The following RBFOX1 variants were observed in gnomAD, a reference collection of about 807,000 sequenced individuals.
RBFOX1 encodes the protein RNA binding protein fox-1 homolog 1.
A neutral mutation model predicts 57.7 loss-of-function variants in RBFOX1; 8 were observed. The observed-to-expected ratio is 0.14, with a 90% CI of 0.08 to 0.25. RBFOX1 has a LOEUF of 0.25. RBFOX1 is among the 10% of genes least tolerant of loss of function. The pLI is 1.00. For missense variants in RBFOX1, 611 were observed against 548.5 expected (o/e 1.11, Z -1.14); for synonymous variants, 326 against 222.4 (o/e 1.47, Z -4.15).
intron 14 of RBFOX1, among the ~76,000 whole-genome samples, chr16:7,688,296 T>C (rs1200640147): frequency 1.3e-5 from 2 of 150,706 alleles, no homozygotes; most frequent in East Asian, 3.9e-4. Flanking sequence ...TCAATATTCA[T>C]AGCATTGGAT....
chr16:6,917,601 C>G (rs1402748550), intron 3 of RBFOX1, among the ~76,000 whole-genome samples: 1 of 151,268 alleles, frequency 6.6e-6, no homozygotes, highest in African/African-American at 2.4e-5. Context: ...GCTCTGACAC[C>G]GGCTCCCTTC....
chr16:5,839,421 C>G (rs899599626), intron 3 of RBFOX1, among the ~76,000 whole-genome samples: 1 of 152,158 alleles, frequency 6.6e-6, no homozygotes, highest in East Asian at 1.9e-4. Context: ...TCTCCACAGC[C>G]ACTAAGTGTC....
chr16:5,964,336 G>C (rs1405257554), intron 4 of RBFOX1, among the ~76,000 whole-genome samples: 1 of 152,104 alleles, frequency 6.6e-6, no homozygotes, highest in East Asian at 1.9e-4. Context: ...AAACAGTATG[G>C]AGATTTCTCA....
chr16:6,611,160 G>C (rs906570327), intron 2 of RBFOX1, among the ~76,000 whole-genome samples: 1 of 152,036 alleles, frequency 6.6e-6, no homozygotes, highest in African/African-American at 2.4e-5. Context: ...ATTTTTTTGA[G>C]GGGGAGGGGA....
rs2094586485 is a variant in RBFOX1, at chr16:6,450,803, A to ACATG, written c.-64+133746_-64+133747insCATG. Among the ~76,000 whole-genome samples the ACATG allele has an allele frequency of 9.7e-4, 10 of 10,322 alleles. 1 individual carries two copies. The highest frequency in any genetic ancestry group is 6.9e-3 in the South Asian group (2 of 290). The allele number at this position is 10,322 out of a possible 152,430, so 6.8% of individuals were successfully genotyped here. On this transcript the variant is annotated intron_variant, in intron 2 of 15. Transcript: ENST00000550418. Reference sequence around the variant, plus strand: ...TATATATATATACATATATATATGTATATATATATATATACATATATATAT... The same window carrying ACATG: ...TATATATATATACATATATATATGTACATGTATATATATATATACATATATATAT...
chr16:7,149,594 T>A (rs1259898102), intron 4 of RBFOX1, among the ~76,000 whole-genome samples: 1 of 149,194 alleles, frequency 6.7e-6, no homozygotes, highest in Admixed American at 6.7e-5. Context: ...CAAAAGATCC[T>A]CTCACCCCAG....
intron 2 of RBFOX1, among the ~76,000 whole-genome samples, chr16:6,490,310 A>G (rs1256767811): frequency 1.3e-5 from 2 of 152,266 alleles, no homozygotes; most frequent in Non-Finnish European, 2.9e-5. Flanking sequence ...AAACCAAGAC[A>G]GAAGTAGAGA....
chr16:6,796,450 C>G (rs1199718547), intron 3 of RBFOX1, among the ~76,000 whole-genome samples: 1 of 152,166 alleles, frequency 6.6e-6, no homozygotes, highest in Non-Finnish European at 1.5e-5. Context: ...TAACCCCCCA[C>G]TGCCAAATCA....
intron 4 of RBFOX1, among the ~76,000 whole-genome samples, chr16:7,255,621 G>A (rs749899227): frequency 2.0e-5 from 3 of 152,054 alleles, no homozygotes; most frequent in Non-Finnish European, 2.9e-5. Context: ...GCAAGGTCTG[G>A]ACCAGCACTG....
At chr16:6,396,923 G>A (rs59114713) in intron 2 of RBFOX1, among the ~76,000 whole-genome samples, 51,416 of 151,600 alleles carry the variant, frequency 0.34, 10,012 homozygotes, top group African/African-American at 0.55. Context: ...TATTTGAAAT[G>A]ACAGTTTTAC....
At chr16:7,276,610 T>C (rs2153154029) in intron 4 of RBFOX1, among the ~76,000 whole-genome samples, 1 of 152,308 alleles carries the variant, frequency 6.6e-6, no homozygotes, top group South Asian at 2.1e-4. Context: ...TTTATGCCTC[T>C]GGAAGAGACC....
chr16:6,389,663 C>G (rs773676815), intron 2 of RBFOX1, among the ~76,000 whole-genome samples: 1 of 152,120 alleles, frequency 6.6e-6, no homozygotes, highest in South Asian at 2.1e-4. Flanking sequence ...CAAGAGTAAA[C>G]ATGAGGTAGG....
intron 4 of RBFOX1, among the ~76,000 whole-genome samples, chr16:7,109,831 C>G (rs1020910674): frequency 1.3e-5 from 2 of 152,140 alleles, no homozygotes; most frequent in African/African-American, 2.4e-5. Context: ...CAGCCTTGCA[C>G]TACGTGATGA....
intron 4 of RBFOX1, among the ~76,000 whole-genome samples, chr16:7,265,449 T>C (rs2095091340): frequency 6.6e-6 from 1 of 152,060 alleles, no homozygotes; most frequent in Non-Finnish European, 1.5e-5. Flanking sequence ...ATTTATTTGT[T>C]TATTTATTTG....
At chr16:5,603,896 A>G (rs568022139), downstream of RBFOX1, among the ~76,000 whole-genome samples, 3 of 152,052 alleles carry the variant, frequency 2.0e-5, no homozygotes, top group South Asian at 6.3e-4. Flanking sequence ...CCGCACTATT[A>G]TTTTTTCTCT....
chr16:7,629,444 A>T (rs999767779), intron 10 of RBFOX1, among the ~76,000 whole-genome samples: 5 of 152,104 alleles, frequency 3.3e-5, no homozygotes, highest in Admixed American at 2.6e-4. Context: ...TTATCATGGG[A>T]GATTGCTTTC....
At chr16:7,593,516 A>G (rs770877558) in intron 7 of RBFOX1, among the ~76,000 whole-genome samples, 1 of 152,352 alleles carries the variant, frequency 6.6e-6, no homozygotes, top group South Asian at 2.1e-4. Context: ...CAGATAATTC[A>G]GGCTTATCCT....
intron 3 of RBFOX1, among the ~76,000 whole-genome samples, chr16:6,671,889 C>G (rs561125644): frequency 4.6e-5 from 7 of 152,318 alleles, no homozygotes; most frequent in Non-Finnish European, 8.8e-5. Flanking sequence ...TTTACATTCA[C>G]ACTGCCTTTT....
intron 2 of RBFOX1, among the ~76,000 whole-genome samples, chr16:6,488,509 A>G (rs941537725): frequency 6.6e-6 from 1 of 152,190 alleles, no homozygotes. Flanking sequence ...TCTGCAAGGT[A>G]GGTATTACCA....
Sources: allele counts gnomAD v4.1 joint callset (sites outside exome capture counted in the v4.1 genomes callset), GRCh38; gene constraint gnomAD v4.1.1; transcripts MANE v1.5; gene names NCBI Gene and HGNC (gene_info 2026-07-23, HGNC 2026-07-21).